SNX29: variants seen among roughly 807,000 people sequenced by gnomAD.
SNX29 encodes the protein sorting nexin-29.
In SNX29, 78 loss-of-function variants were observed where a neutral mutation model predicts 102.1. That is an observed-to-expected ratio of 0.76 (90% CI 0.64 to 0.92). SNX29 has a LOEUF of 0.92. Among genes scored for constraint, SNX29 ranks in the 40% least tolerant of loss-of-function variants. The pLI, the probability that SNX29 is intolerant of heterozygous loss-of-function variation, is 0.00. For missense variants in SNX29, 1,280 were observed against 1,061.7 expected, an observed-to-expected ratio of 1.21 and a Z score of -2.86; for synonymous variants, 580 against 414.5, an observed-to-expected ratio of 1.40 and a Z score of -4.85.
chr16:12,150,376 C>T (rs1045048378), intron 13 of SNX29, among the ~76,000 whole-genome samples: 13 of 152,288 alleles, frequency 8.5e-5, no homozygotes, highest in African/African-American at 1.9e-4. Flanking sequence ...TCTGTCTTCC[C>T]GGTAGACTTT....
intron 18 of SNX29, among the ~76,000 whole-genome samples, chr16:12,439,573 C>T (rs1175394738): frequency 1.3e-5 from 2 of 152,174 alleles, no homozygotes; most frequent in African/African-American, 4.8e-5. Context: ...CTCATAAAAG[C>T]ATCAGATCTC....
In SNX29 at chr16:12,252,009, C is replaced by T. The variant is rs570113615; in HGVS notation, c.1679-25924C>T. ...CTCCTGGCCTCAAGCAGTCCTCTCA[C>T]CTTGGCCTCCTGAATAGTGGGATTA... On this transcript the variant is annotated intron_variant, in intron 14 of 20. Coordinates refer to ENST00000566228, the MANE Select transcript of SNX29 (RefSeq NM_032167.5). Among the ~76,000 whole-genome samples, 128 of 152,276 alleles carry T rather than the reference C, an allele frequency of 8.4e-4. 6 individuals are homozygous for T. The South Asian group carries it at 0.023, about 27-fold the overall frequency.
chr16:12,324,374 C>G (rs1370186298), intron 15 of SNX29, among the ~76,000 whole-genome samples: 2 of 151,968 alleles, frequency 1.3e-5, no homozygotes, highest in Non-Finnish European at 2.9e-5. Flanking sequence ...TGACCTTTCT[C>G]CTCTCCAGCT....
chr16:12,001,415 C>G (rs2056283217), intron 2 of SNX29, among the ~76,000 whole-genome samples: 1 of 151,824 alleles, frequency 6.6e-6, no homozygotes, highest in African/African-American at 2.4e-5. Flanking sequence ...GCCTAGCCTG[C>G]TGTTATTATT....
intron 10 of SNX29, among the ~76,000 whole-genome samples, chr16:12,073,792 T>G (rs541431993): frequency 0.029 from 4,433 of 152,140 alleles, 202 homozygotes; most frequent in African/African-American, 0.1. Flanking sequence ...ATTATTATTG[T>G]GTGGGAGTCT....
intron 18 of SNX29, among the ~76,000 whole-genome samples, chr16:12,452,849 A>T (rs950588440): frequency 2.0e-5 from 3 of 152,130 alleles, no homozygotes; most frequent in Admixed American, 6.5e-5. Flanking sequence ...ATCCTGTTCA[A>T]GTTGGGTTTT....
chr16:12,434,085 T>G (rs909728295), intron 18 of SNX29, among the ~76,000 whole-genome samples: 1 of 152,116 alleles, frequency 6.6e-6, no homozygotes, highest in Non-Finnish European at 1.5e-5. Context: ...GTTTACTGGG[T>G]GGTGTTTATT....
intron 16 of SNX29, among the ~76,000 whole-genome samples, chr16:12,361,455 T>C (rs1289867193): frequency 6.6e-6 from 1 of 152,262 alleles, no homozygotes; most frequent in Non-Finnish European, 1.5e-5. Flanking sequence ...CTGCTGATAT[T>C]AATAGCTAAT....
At chr16:12,523,394 C>T (rs1016164594) in intron 19 of SNX29, among the ~76,000 whole-genome samples, 10 of 152,236 alleles carry the variant, frequency 6.6e-5, no homozygotes, top group Admixed American at 3.3e-4. Context: ...TCTCTCAGCT[C>T]TTTGTTTCTT....
intron 13 of SNX29, among the ~76,000 whole-genome samples, chr16:12,195,955 A>G (rs567463515): frequency 1.4e-3 from 206 of 146,388 alleles, no homozygotes; most frequent in Non-Finnish European, 2.2e-3. Flanking sequence ...GGATAGTTCA[A>G]TTAGCCTCAT....
At chr16:12,133,512 A>G (rs1308710985) in intron 13 of SNX29, among the ~76,000 whole-genome samples, 2 of 151,540 alleles carry the variant, frequency 1.3e-5, no homozygotes. Context: ...GCTGGTTTCA[A>G]ACTCCTGGGC....
rs777203967 is a variant in SNX29, at chr16:12,139,473, C to T, written c.1595+9715C>T. Among the ~76,000 whole-genome samples the T allele has an allele frequency of 3.3e-5, 5 of 152,136 alleles. No homozygotes were observed. In the South Asian group the frequency reaches 6.2e-4, roughly 19 times the overall value. On this transcript the variant is annotated intron_variant, in intron 13 of 20. Coordinates refer to ENST00000566228, the MANE Select transcript of SNX29 (RefSeq NM_032167.5). ...TGGCTAAATGAGGGATTGAAGGGAC[C>T]GTGGGGCCAGTGACTGTCACTTGGT...
At chr16:12,325,928 A>C (rs2081100586) in intron 15 of SNX29, among the ~76,000 whole-genome samples, 1 of 151,898 alleles carries the variant, frequency 6.6e-6, no homozygotes, top group Admixed American at 6.6e-5. Context: ...GTTCAGGGAG[A>C]CTGAGGCAGG....
chr16:12,084,327 G>A (rs2052056798), intron 11 of SNX29, among the ~76,000 whole-genome samples: 2 of 152,256 alleles, frequency 1.3e-5, no homozygotes, highest in African/African-American at 2.4e-5. Context: ...TGTACTTTTA[G>A]TAGAGGCAGG....
At chr16:12,496,329 A>G (rs2088820432) in intron 19 of SNX29, among the ~76,000 whole-genome samples, 1 of 152,048 alleles carries the variant, frequency 6.6e-6, no homozygotes, top group Non-Finnish European at 1.5e-5. Context: ...CGATAAACCC[A>G]TGCCTGCAGC....
chr16:12,338,776 C>G (rs1330438989), intron 15 of SNX29, among the ~76,000 whole-genome samples: 1 of 152,162 alleles, frequency 6.6e-6, no homozygotes. Context: ...CCTGCAGACC[C>G]CTACCCCATC....
chr16:12,241,681 C>G (rs577620600), intron 14 of SNX29, among the ~76,000 whole-genome samples: 3 of 152,262 alleles, frequency 2.0e-5, no homozygotes, highest in African/African-American at 7.2e-5. Context: ...AGGCTAGTCT[C>G]AAACTCCTGA....
At chr16:12,300,155 A>G (rs2080119556) in intron 15 of SNX29, among the ~76,000 whole-genome samples, 1 of 152,256 alleles carries the variant, frequency 6.6e-6, no homozygotes, top group Admixed American at 6.5e-5. Context: ...TACACGTGTG[A>G]GCCCCTGCAG....
intron 20 of SNX29, among the ~76,000 whole-genome samples, chr16:12,552,041 G>A (rs541041527): frequency 5.7e-4 from 87 of 152,022 alleles, no homozygotes; most frequent in African/African-American, 2.0e-3. Flanking sequence ...AGGCTCAGAT[G>A]GGAAGGATTT....
Sources: allele counts gnomAD v4.1 joint callset (sites outside exome capture counted in the v4.1 genomes callset), GRCh38; gene constraint gnomAD v4.1.1; transcripts MANE v1.5; gene names NCBI Gene and HGNC (gene_info 2026-07-23, HGNC 2026-07-21).